The following CCNY variants were observed in gnomAD, a reference collection of about 807,000 sequenced individuals.
CCNY encodes cyclin-Y.
Under a neutral mutation model 42.8 loss-of-function variants are expected in CCNY, and 19 were observed. The ratio of observed to expected loss-of-function variants is 0.44; its 90% CI spans 0.31 to 0.65. The LOEUF is 0.65. CCNY is among the 30% of genes least tolerant of loss of function. The probability of loss-of-function intolerance (pLI) is 0.07; values close to 1 mark genes in which losing one functional copy is unlikely to be tolerated. For synonymous variants in CCNY, 165 were observed against 162.7 expected (o/e 1.01, Z -0.11); for missense variants, 370 against 437.3 (o/e 0.85, Z 1.37).
At chr10:35,424,400 A>AT (rs1478164392) in intron 1 of CCNY, among the ~76,000 whole-genome samples, 1 of 151,964 alleles carries the variant, frequency 6.6e-6, no homozygotes, top group African/African-American at 2.4e-5. Flanking sequence ...CTAAGTTTAT[A>AT]TTTTTAGTAG....
rs1245999849 is a variant in CCNY at position 35,337,078 on chromosome 10, G to C, written c.25G>C (p.Val9Leu). ...GATGGGGAACACTACCTCGTGCTGC[G>C]TGTCGTCCAGTCCCAAGCTCCGGAG... Reference protein sequence around the residue: MGNTTSCCVSSSPKLRRNA... With the variant: MGNTTSCCLSSSPKLRRNA... The change falls in exon 1 of 10, where the codon GTG becomes CTG. Residue 9 changes from valine (V) to leucine (L), a missense_variant. This residue lies in a region of CCNY where 136 missense variants were observed against 124.2 expected (regional missense o/e 1.09). Coordinates refer to ENST00000374704, the MANE Select transcript of CCNY (RefSeq NM_145012.6). 1.9e-6 allele frequency: 3 copies of C among 1,589,978 alleles called. No homozygotes were observed. Among genetic ancestry groups the C allele is most frequent in the East Asian group, 4.7e-5 (2 of 42,110 alleles).
intron 3 of CCNY, among the ~76,000 whole-genome samples, chr10:35,322,649 A>G (rs758058262): frequency 6.6e-6 from 1 of 152,214 alleles, no homozygotes; most frequent in Non-Finnish European, 1.5e-5. Context: ...ATATATGAAG[A>G]CTTTTTAGCA....
chr10:35,263,356 CAAAAAAAAA>C (rs71523372), intron 3 of CCNY, among the ~76,000 whole-genome samples: 839 of 44,316 alleles, frequency 0.019, 5 homozygotes, highest in Non-Finnish European at 0.026. Flanking sequence ...GACTCCGTCT[CAAAAAAAAA>C]AAAAAAAAAA....
intron 1 of CCNY, among the ~76,000 whole-genome samples, chr10:35,385,078 A>G (rs1837274934): frequency 6.6e-6 from 1 of 152,196 alleles, no homozygotes; most frequent in Non-Finnish European, 1.5e-5. Context: ...TGTATTTTAT[A>G]GTGAGTGTGG....
At position 35,477,481 on chromosome 10, in the gene CCNY, A is replaced by G. The variant is rs1365398260; in HGVS notation, c.155-5923A>G. On this transcript the variant is annotated intron_variant, in intron 1 of 9. Transcript: ENST00000374704. ...ATCCCTGGGATGCAAGGCTGGTTCA[A>G]TATACGCAAATCAATAAATGTAATC... Among the ~76,000 whole-genome samples the G allele has an allele frequency of 2.6e-5, 4 of 151,602 alleles. No individual in the cohort carries two copies. In the East Asian group the frequency reaches 7.7e-4, roughly 29 times the overall value.
chr10:35,553,554 G>A (rs528640344), intron 8 of CCNY, among the ~76,000 whole-genome samples: 3 of 152,268 alleles, frequency 2.0e-5, no homozygotes, highest in Non-Finnish European at 4.4e-5. Context: ...AGGTAATGCC[G>A]CCATACAGTC....
intron 8 of CCNY, among the ~76,000 whole-genome samples, chr10:35,558,403 G>C (rs180985909): frequency 1.0e-3 from 152 of 152,266 alleles, no homozygotes; most frequent in African/African-American, 2.7e-3. Flanking sequence ...TCCTAATGCT[G>C]TGTTCTCAAG....
At position 35,360,674 on chromosome 10, in the gene CCNY, A is replaced by G. The variant is rs1232742445; in HGVS notation, c.154+23467A>G. Among the ~76,000 whole-genome samples, 3 of 152,120 alleles carry G rather than the reference A, an allele frequency of 2.0e-5. No homozygotes were observed. The East Asian group carries it at 5.8e-4, about 29-fold the overall frequency. On this transcript the variant is annotated intron_variant, in intron 1 of 9. Coordinates refer to ENST00000374704, the MANE Select transcript of CCNY (RefSeq NM_145012.6). ...TATAGAAAAAATTACCTGTAATCCT[A>G]CCACACAGAGCAATGCTTGTTTTTA...
chr10:35,549,528 C>T (rs1324540064), intron 7 of CCNY, among the ~76,000 whole-genome samples: 2 of 149,946 alleles, frequency 1.3e-5, no homozygotes, highest in Admixed American at 6.6e-5. Flanking sequence ...CTGCGCTGCT[C>T]ATGGCCCATG....
In CCNY at chr10:35,435,622, G is replaced by A. The variant is rs148897275; in HGVS notation, c.155-47782G>A. ...TAAAACATGGCACAGTCAAGCTGCC[G>A]TTACAGCTCTGTGTTCTTTCTGGGT... On this transcript the variant is annotated intron_variant, in intron 1 of 9. Transcript: ENST00000374704. Among the ~76,000 whole-genome samples, 376 of 152,318 alleles carry A rather than the reference G, an allele frequency of 2.5e-3. 1 individual carries two copies. The highest frequency in any genetic ancestry group is 6.4e-3 in the South Asian group (31 of 4,822).
At chr10:35,333,292 C>G (rs949448493), upstream of CCNY, among the ~76,000 whole-genome samples, 2 of 152,188 alleles carry the variant, frequency 1.3e-5, no homozygotes, top group African/African-American at 4.8e-5. Flanking sequence ...CCGAGTGACA[C>G]AGTGTTGGAG....
At chr10:35,336,425 C>T (rs1209102332), upstream of CCNY, 1 of 151,898 alleles carries the variant, frequency 6.6e-6, no homozygotes, top group East Asian at 1.9e-4. Context: ...CGATCTGCTT[C>T]CAGGGCAGAG....
intron 3 of CCNY, among the ~76,000 whole-genome samples, chr10:35,312,747 C>CT (rs10688043): frequency 0.21 from 23,487 of 112,094 alleles, 2,863 homozygotes; most frequent in East Asian, 0.37. Flanking sequence ...TTCCTTTTTA[C>CT]TTTTTTTTTT....
At chr10:35,349,433 A>G (rs1358817266) in intron 1 of CCNY, among the ~76,000 whole-genome samples, 1 of 152,226 alleles carries the variant, frequency 6.6e-6, no homozygotes, top group Non-Finnish European at 1.5e-5. Flanking sequence ...TCTGGCTTTA[A>G]CATGGTTTGA....
At chr10:35,247,168 T>C (rs955409019) in intron 1 of CCNY, 1 of 152,654 alleles carries the variant, frequency 6.6e-6, no homozygotes, top group Non-Finnish European at 1.5e-5. Flanking sequence ...CTGAGAACGC[T>C]TGGGGAGGAG....
intron 1 of CCNY, among the ~76,000 whole-genome samples, chr10:35,482,749 G>GGTGTGTGT (rs56033862): frequency 0.03 from 3,918 of 128,824 alleles, 87 homozygotes; most frequent in East Asian, 0.046. Context: ...GCTGGAAATA[G>GGTGTGTGT]GTGTGTGTGT....
At chr10:35,368,988 C>G (rs979520765) in intron 1 of CCNY, among the ~76,000 whole-genome samples, 1 of 152,192 alleles carries the variant, frequency 6.6e-6, no homozygotes, top group African/African-American at 2.4e-5. Flanking sequence ...CTCCACTTTT[C>G]TGGTGTACAG....
At chr10:35,526,879 A>G (rs780108345) in intron 5 of CCNY, among the ~76,000 whole-genome samples, 7 of 152,162 alleles carry the variant, frequency 4.6e-5, no homozygotes, top group African/African-American at 9.7e-5. Flanking sequence ...ATAATGTGAC[A>G]TTCATGTATG....
chr10:35,351,421 G>A (rs948374681), intron 1 of CCNY, among the ~76,000 whole-genome samples: 1 of 152,240 alleles, frequency 6.6e-6, no homozygotes, highest in African/African-American at 2.4e-5. Flanking sequence ...GAGTGATTCT[G>A]AAGTTTAAAC....
Sources: gnomAD v4.1 joint callset for allele counts (sites outside exome capture counted in the v4.1 genomes callset) on GRCh38, gnomAD v4.1.1 for gene constraint, gnomAD v4.1.1 regional missense constraint, MANE v1.5 for transcripts, NCBI Gene and HGNC (gene_info 2026-07-23, HGNC 2026-07-21) for gene names.